Variants in SMARCC2 observed in about 807,000 individuals in gnomAD.
SMARCC2 encodes the protein SWI/SNF related BAF chromatin remodeling complex subunit C2, also known as SWI/SNF complex subunit SMARCC2.
In SMARCC2, 15 loss-of-function variants were observed where a neutral mutation model predicts 151.3. The ratio of observed to expected loss-of-function variants is 0.10; its 90% confidence interval spans 0.07 to 0.15. SMARCC2 has a LOEUF of 0.15. Ranked by LOEUF, SMARCC2 falls within the 10% of genes least tolerant of loss-of-function variation. SMARCC2 has a pLI of 1.00. For missense variants in SMARCC2, 1,031 were observed against 1,599.7 expected, an observed-to-expected ratio of 0.64 and a Z score of 6.06; for synonymous variants, 590 against 609.5, an observed-to-expected ratio of 0.97 and a Z score of 0.47.
chr12:56,163,945 A>G (rs1310669850), intron 28 of SMARCC2, among the ~76,000 whole-genome samples, 180 bp from the exon 29 acceptor site: 5 of 152,158 alleles, frequency 3.3e-5, no homozygotes, highest in Non-Finnish European at 7.4e-5. Context: ...AGAAAAACAT[A>G]TAGAAAGACT....
chr12:56,169,295 T>C (rs1036480142), intron 25 of SMARCC2, among the ~76,000 whole-genome samples: 1 of 152,264 alleles, frequency 6.6e-6, no homozygotes, highest in South Asian at 2.1e-4. Context: ...GGAGATAGTG[T>C]GGCAAAGGGT....
intron 5 of SMARCC2, 151 bp downstream of exon 5, chr12:56,184,693 A>G (rs1397779920): frequency 3.3e-6 from 2 of 610,156 alleles, no homozygotes; most frequent in Non-Finnish European, 5.8e-6. Context: ...AGAAAAAGAC[A>G]GACTCAAGGC....
intron 26 of SMARCC2, 101 bp downstream of exon 26, chr12:56,167,959 C>CACACA: frequency 1.4e-6 from 1 of 697,958 alleles, no homozygotes; most frequent in Non-Finnish European, 2.2e-6. Flanking sequence ...GAAACACACA[C>CACACA]ACACACACAC....
chr12:56,186,008 C>A, intron 3 of SMARCC2, 147 bp downstream of exon 3: 1 of 656,422 alleles, frequency 1.5e-6, no homozygotes, highest in Non-Finnish European at 2.7e-6. Flanking sequence ...TGACTCCCAA[C>A]CATCTTCCTG....
At chr12:56,176,360 G>A (rs1036084751) in intron 15 of SMARCC2, among the ~76,000 whole-genome samples, 4 of 152,242 alleles carry the variant, frequency 2.6e-5, no homozygotes, top group African/African-American at 9.6e-5. Context: ...TAGCTGGGAA[G>A]AAAACTTGTT....
intron 4 of SMARCC2, 45 bp from the exon 5 acceptor site, chr12:56,184,981 T>TTA: frequency 6.3e-7 from 1 of 1,594,788 alleles, no homozygotes; most frequent in East Asian, 2.2e-5. Flanking sequence ...AAGGGGTGTT[T>TTA]TAGATTCTCA....
At chr12:56,185,314 G>C (rs1877024670) in intron 3 of SMARCC2, 1 of 535,328 alleles carries the variant, frequency 1.9e-6, no homozygotes, top group Non-Finnish European at 3.4e-6. Flanking sequence ...CAGTAGCTGG[G>C]ACTATAGGCA....
intron 15 of SMARCC2, among the ~76,000 whole-genome samples, chr12:56,175,616 A>T (rs1184627075): frequency 6.6e-6 from 1 of 152,116 alleles, no homozygotes; most frequent in African/African-American, 2.4e-5. Context: ...GGCAGCTATC[A>T]TGTGGTACAG....
At position 56,184,898 on chromosome 12, in the gene SMARCC2, T is replaced by A. The variant is rs7136420; in HGVS notation, c.438A>T (p.Pro146=). Reference sequence around the variant, plus strand: ...TCCCTAGTAGTTTGGGCTCAATTTCTGGGCACAGAAAAATGTTAGGTCGAG... The same window carrying A: ...TCCCTAGTAGTTTGGGCTCAATTTCAGGGCACAGAAAAATGTTAGGTCGAG... ...CLSRPNIFLC[P]EIEPKLLGKL... is the part of the protein sequence containing the mutation. Residue 146 remains proline, a synonymous_variant, in exon 5 of 29, where the codon CCA becomes CCT. Transcript: ENST00000550164. The A allele has an allele frequency of 6.2e-7, 1 of 1,613,482 alleles. No homozygotes were observed. The highest frequency in any genetic ancestry group is 1.3e-5 in the African/African-American group (1 of 74,804).
Position 56,189,414 on chromosome 12 carries a change from C to T in SMARCC2, c.48G>A (p.Glu16=), listed in dbSNP as rs1404591651. ...CGAACTGGGTCACGGTGTCCGCGGC[C>T]TCGTAGTACTTCACGTTGGGGCCGC... is the stretch of plus-strand genomic sequence containing the variant. ...KDGGPNVKYY[E]AADTVTQFDN... Residue 16 remains glutamate, a synonymous_variant, in exon 1 of 29, where the codon GAG becomes GAA. Transcript: ENST00000550164. The T allele has an allele frequency of 6.5e-7, 1 of 1,528,004 alleles. No homozygotes were observed. Among genetic ancestry groups the T allele is most frequent in the South Asian group, 1.2e-5 (1 of 82,518 alleles). 94.7% of individuals were successfully genotyped at this position (1,528,004 alleles called of 1,614,324 possible).
At chr12:56,180,508 A>G (rs1407350648) in intron 11 of SMARCC2, among the ~76,000 whole-genome samples, 30 of 151,630 alleles carry the variant, frequency 2.0e-4, no homozygotes, top group Admixed American at 2.0e-3. Context: ...GGTTCAAGCA[A>G]TTCTCCTGCC....
intron 18 of SMARCC2, 69 bp downstream of exon 18, chr12:56,172,868 T>C: frequency 6.3e-7 from 1 of 1,585,286 alleles, no homozygotes; most frequent in East Asian, 2.2e-5. Flanking sequence ...TCATGTCTCT[T>C]CTTCCCGGGC....
At chr12:56,180,096 T>C (rs1875854630) in intron 11 of SMARCC2, among the ~76,000 whole-genome samples, 2 of 151,970 alleles carry the variant, frequency 1.3e-5, no homozygotes, top group South Asian at 2.1e-4. Context: ...AATTAATGCA[T>C]ATATACATTT....
chr12:56,177,080 C>T (rs1027357436), intron 15 of SMARCC2, among the ~76,000 whole-genome samples: 6 of 152,142 alleles, frequency 3.9e-5, no homozygotes, highest in Admixed American at 3.3e-4. Flanking sequence ...CTCAGCCTCC[C>T]GAATTGCTGG....
In SMARCC2 at chr12:56,162,963, C is replaced by G. The variant is rs1872080101; in HGVS notation, c.*726G>C. On this transcript the variant is annotated 3_prime_UTR_variant, in exon 29 of 29. Transcript: ENST00000550164. ...GAAATTAGGTTTTCCCCACCAAATA[C>G]ACATACGCTGACATCAACTAAGCAA... 6.6e-6 allele frequency: 1 copy of G among 152,434 alleles called. No homozygotes were observed. The highest frequency in any genetic ancestry group is 1.5e-5 in the Non-Finnish European group (1 of 68,104). The allele number at this position is 152,434 out of a possible 1,614,324, so 9.4% of individuals were successfully genotyped here.
At chr12:56,165,771 T>C in intron 26 of SMARCC2, 72 bp from the exon 27 acceptor site, 1 of 1,461,834 alleles carries the variant, frequency 6.8e-7, no homozygotes, top group Non-Finnish European at 9.5e-7. Context: ...AACCCCTGCT[T>C]TGTCTTCTTC....
In SMARCC2 at chr12:56,178,888, A is replaced by T. The variant is rs746044622; in HGVS notation, c.1142-41T>A. Reference sequence around the variant, plus strand: ...CAAGATGTAAGGCTGGAGCCTCCTGAGGGGCAAGAAAGCCCTACCAAAAGC... The same window carrying T: ...CAAGATGTAAGGCTGGAGCCTCCTGTGGGGCAAGAAAGCCCTACCAAAAGC... On this transcript the variant is annotated intron_variant, in intron 12 of 28. Coordinates refer to ENST00000550164, the MANE Select transcript of SMARCC2 (RefSeq NM_001330288.2). 3 of 1,610,242 alleles carry T rather than the reference A, an allele frequency of 1.9e-6. No homozygotes were observed. In the South Asian group the frequency reaches 3.3e-5, roughly 18 times the overall value.
chr12:56,189,119 G>C (rs1877855559), intron 1 of SMARCC2, among the ~76,000 whole-genome samples: 1 of 150,626 alleles, frequency 6.6e-6, no homozygotes, highest in East Asian at 2.0e-4. Context: ...AGAAAAACAA[G>C]GGGCAGAGGG....
chr12:56,165,148 C>T (rs917521629), intron 27 of SMARCC2, among the ~76,000 whole-genome samples, 170 bp downstream of exon 27: 2 of 152,204 alleles, frequency 1.3e-5, no homozygotes, highest in Admixed American at 6.5e-5. Flanking sequence ...CCAAAGCTCT[C>T]GAGTTTGGGG....
Sources: allele counts gnomAD v4.1 joint callset (sites outside exome capture counted in the v4.1 genomes callset), GRCh38; gene constraint gnomAD v4.1.1; transcripts MANE v1.5; gene names NCBI Gene and HGNC (gene_info 2026-07-23, HGNC 2026-07-21).